Variants in PLA2G4A observed in about 807,000 individuals in gnomAD.
The protein encoded by PLA2G4A is phospholipase A2 group IVA.
In PLA2G4A, 40 loss-of-function variants were observed where a neutral mutation model predicts 81.9. That is an observed-to-expected ratio of 0.49 (90% CI 0.38 to 0.64). PLA2G4A has a LOEUF of 0.64. Ranked by LOEUF, PLA2G4A falls within the 30% of genes least tolerant of loss-of-function variation. The probability of loss-of-function intolerance (pLI) is 0.00; values close to 1 mark genes in which losing one functional copy is unlikely to be tolerated. For synonymous variants in PLA2G4A, 302 were observed against 296.9 expected (o/e 1.02, Z -0.18); for missense variants, 715 against 905.1 (o/e 0.79, Z 2.69).
intron 5 of PLA2G4A, among the ~76,000 whole-genome samples, chr1:186,901,259 A>G (rs1373882242): frequency 2.0e-5 from 3 of 152,136 alleles, no homozygotes; most frequent in South Asian, 2.1e-4. Context: ...TTAATAGAGA[A>G]TGCATTTTTA....
intron 3 of PLA2G4A, among the ~76,000 whole-genome samples, chr1:186,890,851 CAA>C (rs11390247): frequency 1.4e-4 from 18 of 130,662 alleles, no homozygotes; most frequent in African/African-American, 2.8e-4. Flanking sequence ...GACTCTGTCT[CAA>C]AAAAAAAAAA....
chr1:186,920,984 G>T (rs1355826934), intron 7 of PLA2G4A, among the ~76,000 whole-genome samples: 1 of 152,182 alleles, frequency 6.6e-6, no homozygotes, highest in Non-Finnish European at 1.5e-5. Flanking sequence ...GGGCTATTTG[G>T]ATCAAAAGGA....
At chr1:186,955,734 CTT>C (rs59494152) in intron 13 of PLA2G4A, among the ~76,000 whole-genome samples, 1 of 108,818 alleles carries the variant, frequency 9.2e-6, no homozygotes. Flanking sequence ...AAGAAGATCC[CTT>C]TTTTTTTTTT....
chr1:186,982,688 T>C (rs867049709), intron 17 of PLA2G4A, among the ~76,000 whole-genome samples: 43 of 152,254 alleles, frequency 2.8e-4, no homozygotes, highest in Non-Finnish European at 4.4e-4. Flanking sequence ...TGTGTGCGTG[T>C]GTGTGTGTGT....
intron 1 of PLA2G4A, among the ~76,000 whole-genome samples, chr1:186,846,310 T>G (rs940363004): frequency 2.0e-4 from 30 of 152,336 alleles, no homozygotes; most frequent in African/African-American, 6.3e-4. Flanking sequence ...ATTTTTATCC[T>G]GAAGGAAGTG....
intron 3 of PLA2G4A, among the ~76,000 whole-genome samples, chr1:186,879,791 T>G (rs1247903481): frequency 6.6e-6 from 1 of 150,594 alleles, no homozygotes; most frequent in Non-Finnish European, 1.5e-5. Flanking sequence ...TGTACTGTCT[T>G]TATTTTAATT....
chr1:186,853,650 C>A (rs1276765663), intron 1 of PLA2G4A, among the ~76,000 whole-genome samples: 1 of 151,710 alleles, frequency 6.6e-6, no homozygotes, highest in Non-Finnish European at 1.5e-5. Context: ...CAAAGATGTT[C>A]ATTCATTAAA....
intron 14 of PLA2G4A, 26 bp downstream of exon 14, chr1:186,956,370 G>A: frequency 1.9e-6 from 3 of 1,595,376 alleles, no homozygotes; most frequent in Non-Finnish European, 2.6e-6. Flanking sequence ...TAATTAGTGG[G>A]AGCTAATGCA....
intron 14 of PLA2G4A, among the ~76,000 whole-genome samples, chr1:186,962,556 C>G (rs1656993099): frequency 6.6e-6 from 1 of 151,240 alleles, no homozygotes; most frequent in South Asian, 2.1e-4. Context: ...GAGTCTTGCT[C>G]TGTCGCCCAG....
intron 6 of PLA2G4A, among the ~76,000 whole-genome samples, chr1:186,908,450 T>C (rs748869447): frequency 3.9e-5 from 6 of 151,988 alleles, no homozygotes; most frequent in Non-Finnish European, 1.5e-5. Flanking sequence ...TAGTGATTGA[T>C]AGATTTCTAA....
At chr1:186,958,254 A>G (rs1421182325) in intron 14 of PLA2G4A, among the ~76,000 whole-genome samples, 1 of 152,228 alleles carries the variant, frequency 6.6e-6, no homozygotes, top group Non-Finnish European at 1.5e-5. Context: ...TAGCATATTA[A>G]CTAATATATT....
intron 7 of PLA2G4A, among the ~76,000 whole-genome samples, chr1:186,923,218 G>T (rs1558441792): frequency 1.3e-5 from 2 of 152,116 alleles, no homozygotes; most frequent in Non-Finnish European, 2.9e-5. Context: ...AGAACTTGTG[G>T]TTGTTTATCA....
chr1:186,902,172 TA>T (rs1240604124), intron 5 of PLA2G4A, among the ~76,000 whole-genome samples: 1 of 152,160 alleles, frequency 6.6e-6, no homozygotes, highest in African/African-American at 2.4e-5. Context: ...TTTGCATATC[TA>T]AACAAACATA....
At chr1:186,936,469 G>A (rs1038807332) in intron 8 of PLA2G4A, among the ~76,000 whole-genome samples, 4 of 151,936 alleles carry the variant, frequency 2.6e-5, no homozygotes, top group African/African-American at 4.8e-5. Flanking sequence ...AAGTGACTGC[G>A]TTTTATGGGA....
intron 3 of PLA2G4A, among the ~76,000 whole-genome samples, chr1:186,891,794 C>A (rs780398360): frequency 3.3e-5 from 5 of 152,036 alleles, no homozygotes; most frequent in African/African-American, 1.2e-4. Flanking sequence ...ATACTGATTC[C>A]TTTTTTTTGA....
At chr1:186,976,260 A>G (rs1422219434) in intron 15 of PLA2G4A, among the ~76,000 whole-genome samples, 4 of 152,202 alleles carry the variant, frequency 2.6e-5, no homozygotes, top group Admixed American at 1.3e-4. Flanking sequence ...CGAGATGACA[A>G]GAGTAGTTAA....
At chr1:186,864,805 A>G (rs543640653) in intron 2 of PLA2G4A, among the ~76,000 whole-genome samples, 6 of 151,582 alleles carry the variant, frequency 4.0e-5, no homozygotes, top group Non-Finnish European at 8.8e-5. Flanking sequence ...AATATATACA[A>G]CTATAGGCCA....
chr1:186,912,783 CTTATATAT>C (rs1655004853), intron 7 of PLA2G4A, among the ~76,000 whole-genome samples: 6 of 99,370 alleles, frequency 6.0e-5, no homozygotes, highest in African/African-American at 3.7e-4. Context: ...TATATGTATA[CTTATATAT>C]ATATGTATAT....
intron 2 of PLA2G4A, among the ~76,000 whole-genome samples, chr1:186,859,385 T>G (rs2102037925): frequency 6.6e-6 from 1 of 152,298 alleles, no homozygotes; most frequent in Non-Finnish European, 1.5e-5. Flanking sequence ...GTTTTTTATT[T>G]TTTTGACCAG....
Sources: gnomAD v4.1 joint callset for allele counts (sites outside exome capture counted in the v4.1 genomes callset) on GRCh38, gnomAD v4.1.1 for gene constraint, MANE v1.5 for transcripts, NCBI Gene and HGNC (gene_info 2026-07-23, HGNC 2026-07-21) for gene names.